ALMS1: variants seen among roughly 807,000 people sequenced by gnomAD.
The protein encoded by ALMS1 is ALMS1 centrosome and basal body associated protein, also known as centrosome-associated protein ALMS1.
ALMS1 carries 271 observed loss-of-function variants against 352.2 expected under a neutral mutation model. That is an observed-to-expected ratio of 0.77 (90% CI 0.70 to 0.85). ALMS1 has a LOEUF of 0.85. ALMS1 is among the 40% of genes least tolerant of loss of function. ALMS1 has a pLI of 0.00. For synonymous variants in ALMS1, 1,865 were observed against 1,761.2 expected (o/e 1.06, Z -1.48); for missense variants, 5,445 against 4,870.7 (o/e 1.12, Z -3.51).
chr2:73,469,029 A>G (rs1259404078), intron 9 of ALMS1, among the ~76,000 whole-genome samples: 2 of 123,004 alleles, frequency 1.6e-5, no homozygotes, highest in East Asian at 4.9e-4. Context: ...CTTCCATGCT[A>G]TGAGAACGAG....
At chr2:73,551,444 T>G (rs1296474467) in intron 13 of ALMS1, among the ~76,000 whole-genome samples, 2 of 142,968 alleles carry the variant, frequency 1.4e-5, no homozygotes, top group Non-Finnish European at 3.0e-5. Context: ...TTTTTTTTTT[T>G]TTTTTTTTTG....
intron 10 of ALMS1, among the ~76,000 whole-genome samples, chr2:73,497,693 A>T (rs917405741): frequency 6.6e-6 from 1 of 152,220 alleles, no homozygotes; most frequent in African/African-American, 2.4e-5. Context: ...CTCCAGCTCC[A>T]TCAAAGTTAC....
chr2:73,514,757 A>G (rs561390793), intron 10 of ALMS1, among the ~76,000 whole-genome samples: 2 of 152,222 alleles, frequency 1.3e-5, no homozygotes, highest in East Asian at 3.9e-4. Flanking sequence ...TCTGGGGATT[A>G]TCTTAGTTTT....
At chr2:73,387,190 C>T (rs554188162) in intron 1 of ALMS1, among the ~76,000 whole-genome samples, 33 of 152,198 alleles carry the variant, frequency 2.2e-4, no homozygotes, top group African/African-American at 7.9e-4. Flanking sequence ...GTGAATATTC[C>T]AGGGGGTACT....
At chr2:73,521,466 G>A (rs191643627) in intron 11 of ALMS1, among the ~76,000 whole-genome samples, 2 of 152,020 alleles carry the variant, frequency 1.3e-5, no homozygotes, top group African/African-American at 4.8e-5. Flanking sequence ...GCAGTGCGCG[G>A]TGGCTCACGC....
intron 12 of ALMS1, among the ~76,000 whole-genome samples, chr2:73,542,836 T>G (rs938748681): frequency 1.3e-5 from 2 of 151,870 alleles, no homozygotes; most frequent in Non-Finnish European, 2.9e-5. Context: ...CAAGGAGAAC[T>G]ACAAACCACT....
At chr2:73,470,777 G>A (rs1254025834) in intron 9 of ALMS1, 4 of 151,582 alleles carry the variant, frequency 2.6e-5, no homozygotes, top group African/African-American at 9.7e-5. Flanking sequence ...ATGTATTTAG[G>A]TACTCTAATG....
intron 14 of ALMS1, among the ~76,000 whole-genome samples, chr2:73,557,635 C>CT (rs1674573625): frequency 6.6e-6 from 1 of 152,108 alleles, no homozygotes; most frequent in Non-Finnish European, 1.5e-5. Context: ...ATTTAATGGA[C>CT]TTTTTACCTC....
chr2:73,410,872 A>C (rs746707238), intron 2 of ALMS1, among the ~76,000 whole-genome samples: 2 of 152,090 alleles, frequency 1.3e-5, no homozygotes, highest in East Asian at 3.9e-4. Context: ...GATTTCTCCT[A>C]TTACCTTCAG....
In ALMS1 at chr2:73,600,862, C is replaced by T. The variant is rs577759803; in HGVS notation, c.11853C>T (p.Asn3951=). The change falls in exon 18 of 23, where the codon AAC becomes AAT. Residue 3951 remains asparagine (N), a synonymous_variant. Coordinates refer to ENST00000613296, the MANE Select transcript of ALMS1 (RefSeq NM_001378454.1). ...GYPEDRKLKK[N]KKNSHEGVSW... is the part of the protein sequence containing the mutation. ...CTGAGGACAGAAAGTTAAAAAAGAACAAGAAGAATTCCCATGAAGGTCAGT... is the reference window on the plus strand; with the variant it reads ...CTGAGGACAGAAAGTTAAAAAAGAATAAGAAGAATTCCCATGAAGGTCAGT... 5 of 1,613,752 alleles carry T rather than the reference C, an allele frequency of 3.1e-6. No individual in the cohort carries two copies. The highest frequency in any genetic ancestry group is 4.2e-6 in the Non-Finnish European group (5 of 1,179,880).
rs75534454 is a variant in ALMS1, at chr2:73,412,195, C to T, written c.450+3448C>T. On this transcript the variant is annotated intron_variant, in intron 2 of 22. Transcript: ENST00000613296. Reference sequence around the variant, plus strand: ...ACCACCACATTTGAGATAGACAGCACTGCCTTCACAAAAAGGAACGTCACA... The same window carrying T: ...ACCACCACATTTGAGATAGACAGCATTGCCTTCACAAAAAGGAACGTCACA... Among the ~76,000 whole-genome samples, 23 of 152,324 alleles carry T rather than the reference C, an allele frequency of 1.5e-4. No individual in the cohort carries two copies. The East Asian group carries it at 4.4e-3, about 29-fold the overall frequency.
chr2:73,513,399 A>C (rs1239559728), intron 10 of ALMS1, among the ~76,000 whole-genome samples: 1 of 152,060 alleles, frequency 6.6e-6, no homozygotes, highest in African/African-American at 2.4e-5. Flanking sequence ...ATGACACCTC[A>C]CATTGGTCTC....
At chr2:73,429,278 CTTTT>C (rs5832107) in intron 6 of ALMS1, among the ~76,000 whole-genome samples, 5 of 102,702 alleles carry the variant, frequency 4.9e-5, no homozygotes, top group African/African-American at 1.3e-4. Context: ...AATTAATATG[CTTTT>C]TTTTTTTTTT....
chr2:73,572,649 C>G lies in ALMS1; in HGVS notation c.10772C>G (p.Thr3591Arg). ...GATCAGAAGGTCACCCCAGAGCAAA[C>G]AACTCAGCACACTGTGAGTTTGAAT... is the stretch of plus-strand genomic sequence containing the variant. ...QRDQKVTPEQ[T>R]TQHTVSLNEL... The change falls in exon 16 of 23, where the codon ACA becomes AGA. Residue 3591 changes from threonine (T) to arginine (R), a missense_variant. By Grantham distance (71) the Thr-to-Arg change is moderately conservative. Transcript: ENST00000613296. 6.2e-7 allele frequency: 1 copy of G among 1,613,044 alleles called. No homozygotes were observed. The highest frequency in any genetic ancestry group is 8.5e-7 in the Non-Finnish European group (1 of 1,178,986).
intron 11 of ALMS1, among the ~76,000 whole-genome samples, chr2:73,526,594 G>A (rs11895422): frequency 0.016 from 2,469 of 152,156 alleles, 67 homozygotes; most frequent in African/African-American, 0.056. Flanking sequence ...ATTGTTCACT[G>A]TTGACATATA....
At chr2:73,460,779 C>A (rs1672176156) in intron 9 of ALMS1, among the ~76,000 whole-genome samples, 1 of 152,256 alleles carries the variant, frequency 6.6e-6, no homozygotes, top group East Asian at 1.9e-4. Flanking sequence ...AAACGGCACA[C>A]CAGGAGATTA....
Position 73,519,779 on chromosome 2 carries a change from C to A in ALMS1, c.9544C>A (p.Pro3182Thr), listed in dbSNP as rs546372786. The change falls in exon 11 of 23, where the codon CCA (proline) becomes ACA (threonine). Residue 3182 changes from proline (P) to threonine (T), a missense_variant. Physicochemically the swap from Pro to Thr is conservative, Grantham distance 38. Coordinates refer to ENST00000613296, the MANE Select transcript of ALMS1 (RefSeq NM_001378454.1). ...EGTPVFADRL[P>T]EKMKTPLSAF... is the part of the protein sequence containing the mutation. Reference sequence around the variant, plus strand: ...TTCTTTCTCTTTTTTGGTCAGATTACCAGAGAAGATGAAGACCCCACTTTC... The same window carrying A: ...TTCTTTCTCTTTTTTGGTCAGATTAACAGAGAAGATGAAGACCCCACTTTC... The A allele has an allele frequency of 8.7e-6, 14 of 1,613,876 alleles. No homozygotes were observed. Among genetic ancestry groups the A allele is most frequent in the Non-Finnish European group, 7.6e-6 (9 of 1,179,888 alleles).
At chr2:73,432,115 T>G (rs1572919473) in intron 6 of ALMS1, 83 bp from the exon 7 acceptor site, 4 of 1,011,674 alleles carry the variant, frequency 4.0e-6, no homozygotes, top group Non-Finnish European at 3.1e-6. Flanking sequence ...CTTATTTTCT[T>G]CATTTCTTCG....
At chr2:73,403,896 G>A (rs1405330748) in intron 1 of ALMS1, among the ~76,000 whole-genome samples, 1 of 152,010 alleles carries the variant, frequency 6.6e-6, no homozygotes, top group Non-Finnish European at 1.5e-5. Flanking sequence ...CGGCTTTACT[G>A]GGTTTATTCT....
Sources: allele counts gnomAD v4.1 joint callset (sites outside exome capture counted in the v4.1 genomes callset), GRCh38; gene constraint gnomAD v4.1.1; transcripts MANE v1.5; gene names NCBI Gene and HGNC (gene_info 2026-07-23, HGNC 2026-07-21).